Variants in CCDC125 observed in about 807,000 individuals in gnomAD.
CCDC125 encodes coiled-coil domain containing 125.
A neutral mutation model predicts 57.4 loss-of-function variants in CCDC125; 43 were observed. The observed-to-expected ratio is 0.75, with a 90% CI of 0.59 to 0.97. The LOEUF is 0.97. Among genes scored for constraint, CCDC125 ranks in the 50% least tolerant of loss-of-function variants. The pLI is 0.00. For synonymous variants in CCDC125, 187 were observed against 195.2 expected, an observed-to-expected ratio of 0.96 and a Z score of 0.35; for missense variants, 563 against 595.7, an observed-to-expected ratio of 0.95 and a Z score of 0.57.
intron 4 of CCDC125, chr5:69,309,847 G>A (rs1757879443): frequency 6.6e-6 from 1 of 152,316 alleles, no homozygotes; most frequent in African/African-American, 2.4e-5. Flanking sequence ...AGCTGCCCAA[G>A]GCCATGGGAA....
chr5:69,294,966 G>C, intron 8 of CCDC125, 66 bp from the exon 9 acceptor site: 1 of 1,396,498 alleles, frequency 7.2e-7, no homozygotes, highest in Middle Eastern at 1.8e-4. Flanking sequence ...CACAAACACA[G>C]GGGCATTTAC....
chr5:69,313,510 T>C, intron 3 of CCDC125: 1 of 884,138 alleles, frequency 1.1e-6, no homozygotes, highest in Admixed American at 1.7e-5. Context: ...GATGGCGTCC[T>C]TGGAGCTGGC....
chr5:69,306,208 T>C (rs1383912886), intron 6 of CCDC125, among the ~76,000 whole-genome samples: 1 of 152,094 alleles, frequency 6.6e-6, no homozygotes, highest in Admixed American at 6.6e-5. Context: ...ATTACAGGTG[T>C]GAGCCATCAT....
intron 1 of CCDC125, among the ~76,000 whole-genome samples, chr5:69,332,289 AT>A (rs1761513563): frequency 6.6e-6 from 1 of 152,242 alleles, no homozygotes; most frequent in African/African-American, 2.4e-5. Flanking sequence ...TAATGTCAAC[AT>A]TTGTGTACAA....
chr5:69,325,542 C>T (rs922630562), intron 1 of CCDC125, among the ~76,000 whole-genome samples: 4 of 151,236 alleles, frequency 2.6e-5, no homozygotes, highest in African/African-American at 9.7e-5. Context: ...GACAGGGTCT[C>T]GGGCTGGGCA....
At chr5:69,325,537 G>T (rs886969100) in intron 1 of CCDC125, among the ~76,000 whole-genome samples, 17 of 151,398 alleles carry the variant, frequency 1.1e-4, no homozygotes, top group Non-Finnish European at 1.9e-4. Flanking sequence ...TAAGAGACAG[G>T]GTCTCGGGCT....
downstream of CCDC125, among the ~76,000 whole-genome samples, chr5:69,279,447 T>C (rs908099013): frequency 8.5e-5 from 13 of 152,152 alleles, no homozygotes; most frequent in East Asian, 3.9e-4. Flanking sequence ...CCGCCCACCT[T>C]GGCCTCCCAA....
intron 2 of CCDC125, among the ~76,000 whole-genome samples, chr5:69,316,925 AAAAAG>A (rs1437331830): frequency 1.3e-5 from 2 of 152,190 alleles, no homozygotes; most frequent in South Asian, 2.1e-4. Context: ...CAACTTTAAT[AAAAAG>A]AAAAGTTCAT....
downstream of CCDC125, among the ~76,000 whole-genome samples, chr5:69,278,860 G>A (rs576176786): frequency 2.8e-4 from 39 of 136,964 alleles, no homozygotes; most frequent in Admixed American, 1.3e-3. Flanking sequence ...CACCATGCCT[G>A]GTTAATTTTT....
intron 10 of CCDC125, among the ~76,000 whole-genome samples, chr5:69,286,218 ATATATATATATATATAAT>A (rs1486827256): frequency 5.7e-5 from 7 of 123,218 alleles, no homozygotes; most frequent in African/African-American, 1.8e-4. Flanking sequence ...ATATATATAT[ATATATATATATATATAAT>A]TTTTTTTTTT....
intron 4 of CCDC125, chr5:69,310,472 AT>A: frequency 6.3e-6 from 1 of 158,178 alleles, no homozygotes; most frequent in Non-Finnish European, 1.4e-5. Context: ...TCCCACCATG[AT>A]TCTGAGGCCT....
chr5:69,301,299 C>A (rs2150421097), intron 7 of CCDC125, among the ~76,000 whole-genome samples: 1 of 152,106 alleles, frequency 6.6e-6, no homozygotes, highest in South Asian at 2.1e-4. Context: ...CTTCAAGCCA[C>A]CTCTTTAATT....
intron 11 of CCDC125, among the ~76,000 whole-genome samples, chr5:69,283,441 G>C (rs539404130): frequency 6.9e-4 from 105 of 151,946 alleles, no homozygotes; most frequent in Non-Finnish European, 6.5e-4. Context: ...AGGATGGTCT[G>C]AATCTCCTGA....
chr5:69,331,380 C>T (rs1175892871), intron 1 of CCDC125, among the ~76,000 whole-genome samples: 1 of 151,550 alleles, frequency 6.6e-6, no homozygotes, highest in Admixed American at 6.6e-5. Context: ...TTACAGGCGC[C>T]CACCACCATG....
rs796130405 is a variant in CCDC125, at chr5:69,292,843, C to CT, written c.925-482dup. 5.6e-3 allele frequency among the ~76,000 whole-genome samples: 817 copies of CT among 145,376 alleles called. 5 individuals are homozygous for CT. The highest frequency in any genetic ancestry group is 0.01 in the African/African-American group (403 of 39,910). On this transcript the variant is annotated intron_variant, in intron 9 of 11. Coordinates refer to ENST00000396496, the MANE Select transcript of CCDC125 (RefSeq NM_176816.5). ...TTTCTTCTATTTTTTTCTTCTTCTT[C>CT]TTTTTTTTTTTTCTTTTGATGGAGT...
At chr5:69,327,801 T>C (rs1760922168) in intron 1 of CCDC125, among the ~76,000 whole-genome samples, 1 of 152,242 alleles carries the variant, frequency 6.6e-6, no homozygotes, top group Non-Finnish European at 1.5e-5. Flanking sequence ...CAATTGTCAA[T>C]TTAGGGGACT....
intron 2 of CCDC125, among the ~76,000 whole-genome samples, chr5:69,317,364 T>A (rs928729628): frequency 1.3e-5 from 2 of 152,146 alleles, no homozygotes; most frequent in Non-Finnish European, 2.9e-5. Context: ...AACATTTTGC[T>A]TTCAAAACAG....
intron 2 of CCDC125, among the ~76,000 whole-genome samples, chr5:69,316,662 C>G (rs1367847712): frequency 6.6e-6 from 1 of 152,098 alleles, no homozygotes; most frequent in East Asian, 1.9e-4. Context: ...CAGGTGCACA[C>G]TACTACACCT....
At chr5:69,314,651 T>TA (rs1314402466) in intron 2 of CCDC125, among the ~76,000 whole-genome samples, 2 of 151,764 alleles carry the variant, frequency 1.3e-5, no homozygotes, top group African/African-American at 4.8e-5. Flanking sequence ...AAATATAAAA[T>TA]AAAAAATTAG....
Sources: allele counts gnomAD v4.1 joint callset (sites outside exome capture counted in the v4.1 genomes callset), GRCh38; gene constraint gnomAD v4.1.1; transcripts MANE v1.5; gene names NCBI Gene and HGNC (gene_info 2026-07-23, HGNC 2026-07-21).